Variants in TLN1 observed in about 807,000 individuals in gnomAD.
The protein encoded by TLN1 is talin-1.
Under a neutral mutation model 292.3 loss-of-function variants are expected in TLN1, and 56 were observed. The observed-to-expected ratio is 0.19, with a 90% CI of 0.15 to 0.24. TLN1 has a LOEUF of 0.24. Ranked by LOEUF, TLN1 falls within the 10% of genes least tolerant of loss-of-function variation. TLN1 has a pLI of 1.00. For missense variants in TLN1, 2,433 were observed against 3,248.2 expected, an observed-to-expected ratio of 0.75 and a Z score of 6.10; for synonymous variants, 1,119 against 1,253.7, an observed-to-expected ratio of 0.89 and a Z score of 2.27.
Position 35,712,085 on chromosome 9 carries a change from T to C in TLN1, c.3601A>G (p.Ser1201Gly). 6.2e-7 allele frequency: 1 copy of C among 1,614,052 alleles called. No individual in the cohort carries two copies. The highest frequency in any genetic ancestry group is 8.5e-7 in the Non-Finnish European group (1 of 1,179,986). ...AVTQALNRCVSCLPGQRDVDN... is the reference protein window; with the variant it reads ...AVTQALNRCVGCLPGQRDVDN... ...ACATCGCGCTGGCCAGGTAGGCAGCTGACACAGCGGTTCAGAGCCTGGGTC... is the reference window on the plus strand; with the variant it reads ...ACATCGCGCTGGCCAGGTAGGCAGCCGACACAGCGGTTCAGAGCCTGGGTC... Residue 1201 changes from serine (S) to glycine (G), a missense_variant, in exon 28 of 57, where the codon AGC becomes GGC. Around this residue, in one of 7 missense-constraint regions of TLN1, gnomAD observed 1,384 missense variants for 1,699.6 expected, o/e 0.81. Coordinates refer to ENST00000314888, the MANE Select transcript of TLN1 (RefSeq NM_006289.4).
Position 35,719,023 on chromosome 9 carries a change from C to T in TLN1, c.1896+51G>A. 2 of 1,598,532 alleles carry T rather than the reference C, an allele frequency of 1.3e-6. No homozygotes were observed. Among genetic ancestry groups the T allele is most frequent in the Non-Finnish European group, 8.6e-7 (1 of 1,169,532 alleles). On this transcript the variant is annotated intron_variant, in intron 16 of 56. Transcript: ENST00000314888. This position sits in a 1 kb window ranked among gnomAD's most constrained non-coding sequence, Gnocchi z 4.6. ...TCCTGTGGCTTGGACTGCCCCTTCTCCTTGGGCTTGAACCCTGTCTCCACC... is the reference window on the plus strand; with the variant it reads ...TCCTGTGGCTTGGACTGCCCCTTCTTCTTGGGCTTGAACCCTGTCTCCACC...
rs1315100473 is a variant in TLN1 at position 35,711,738 on chromosome 9, C to A, written c.3736G>T (p.Ala1246Ser). 1 of 1,614,168 alleles carries A rather than the reference C, an allele frequency of 6.2e-7. No individual in the cohort carries two copies. The highest frequency in any genetic ancestry group is 2.2e-5 in the East Asian group (1 of 44,884). Residue 1246 changes from alanine (A) to serine (S), a missense_variant, in exon 29 of 57, where the codon GCT becomes TCT. Coordinates refer to ENST00000314888, the MANE Select transcript of TLN1 (RefSeq NM_006289.4). ...GTGGCTGCCTGATTCAGCCCAGCAG[C>A]AGCTTCATTCAACCGGCTCTGAGCT... ...QEAQSRLNEA[A>S]AGLNQAATEL...
chr9:35,730,575 G>A (rs921492292), intron 1 of TLN1, among the ~76,000 whole-genome samples: 1 of 152,058 alleles, frequency 6.6e-6, no homozygotes, highest in Non-Finnish European at 1.5e-5. Context: ...TGGTAGGAGA[G>A]TAATTTAAAA....
Position 35,699,726 on chromosome 9 carries a change from G to A in TLN1, c.6768+248C>T. 1.0e-6 allele frequency: 1 copy of A among 978,650 alleles called. No homozygotes were observed. The highest frequency in any genetic ancestry group is 1.2e-6 in the Non-Finnish European group (1 of 823,814). The allele number at this position is 978,650 out of a possible 1,614,324, so 60.6% of individuals were successfully genotyped here. A position where few individuals can be genotyped will look rare whatever the true frequency, so the allele number is the denominator to read the frequency against. ...AGGAGACGACGAAAGTAGAGAAGGG[G>A]GTGGTCAGGTGGGAAGGGAGGAGAA... On this transcript the variant is annotated intron_variant, in intron 50 of 56. Transcript: ENST00000314888. This position sits in a 1 kb window ranked among gnomAD's most constrained non-coding sequence, Gnocchi z 4.0.
chr9:35,707,861 T>A lies in TLN1; in HGVS notation c.4502A>T (p.His1501Leu). 6.2e-7 allele frequency: 1 copy of A among 1,613,716 alleles called. No homozygotes were observed. Among genetic ancestry groups the A allele is most frequent in the Non-Finnish European group, 8.5e-7 (1 of 1,179,822 alleles). Residue 1501 changes from histidine to leucine, a missense_variant, in exon 35 of 57, where the codon CAC becomes CTC. Physicochemically the swap from His to Leu is moderately conservative, Grantham distance 99. This residue lies in a region of TLN1 where 1,384 missense variants were observed against 1,699.6 expected (regional missense o/e 0.81). Coordinates refer to ENST00000314888, the MANE Select transcript of TLN1 (RefSeq NM_006289.4). This position sits in a 1 kb window ranked among gnomAD's most constrained non-coding sequence, Gnocchi z 5.6. Reference protein sequence around the residue: ...VLSAATIVAKHTSALCNSCRL... With the variant: ...VLSAATIVAKLTSALCNSCRL... ...ACAGCTGTTACACAGTGCAGAGGTGTGTTTAGCCACAATGGTGGCTGCAGA... is the reference window on the plus strand; with the variant it reads ...ACAGCTGTTACACAGTGCAGAGGTGAGTTTAGCCACAATGGTGGCTGCAGA...
At position 35,718,799 on chromosome 9, in the gene TLN1, G is replaced by A. The variant is rs1587986913; in HGVS notation, c.1995+13C>T. ...AGATTCTGGGGTTCTGGGGGGTTGG[G>A]TAAGTCACCAACCTGGAAGTGGGGG... On this transcript the variant is annotated intron_variant, in intron 17 of 56. Transcript: ENST00000314888. 3.7e-6 allele frequency: 6 copies of A among 1,607,900 alleles called. No individual in the cohort carries two copies. Among genetic ancestry groups the A allele is most frequent in the Non-Finnish European group, 4.3e-6 (5 of 1,175,024 alleles).
Position 35,700,376 on chromosome 9 carries a change from C to T in TLN1, c.6475G>A (p.Val2159Ile). 1 of 1,593,844 alleles carries T rather than the reference C, an allele frequency of 6.3e-7. No individual in the cohort carries two copies. Among genetic ancestry groups the T allele is most frequent in the South Asian group, 1.1e-5 (1 of 90,612 alleles). ...TTEHIRQELA[V>I]FCSPEPPAKT... is the part of the protein sequence containing the mutation. The stretch of plus-strand genomic sequence containing the variant: ...GCAGGTGGCTCTGGGGAACAGAAAA[C>T]CTGTGGGGGCAGAAGAAGAAGAAAG... The change falls in exon 49 of 57, where the codon GTT becomes ATT. Residue 2159 changes from valine to isoleucine, a missense_variant and splice_region_variant. By Grantham distance (29) the Val-to-Ile change is conservative. Around this residue, in one of 7 missense-constraint regions of TLN1, gnomAD observed 1,384 missense variants for 1,699.6 expected, o/e 0.81. Transcript: ENST00000314888.
Position 35,699,100 on chromosome 9 carries a change from C to T in TLN1, c.6931G>A (p.Gly2311Arg), listed in dbSNP as rs752991296. The change falls in exon 52 of 57, where the codon GGA (glycine) becomes AGA (arginine). Residue 2311 changes from glycine (G) to arginine (R), a missense_variant. By Grantham distance (125) the Gly-to-Arg change is moderately radical. Around this residue, in one of 7 missense-constraint regions of TLN1, gnomAD observed 1,384 missense variants for 1,699.6 expected, o/e 0.81. Coordinates refer to ENST00000314888, the MANE Select transcript of TLN1 (RefSeq NM_006289.4). This position sits in a 1 kb window ranked among gnomAD's most constrained non-coding sequence, Gnocchi z 4.0. ...GCAGCCTCAATGGCGGCTGCAGCTC[C>T]CAGGAGCTCATTCTCAGCAATGACT... ...PTVIAENELL[G>R]AAAAIEAAAK... 1 of 1,614,006 alleles carries T rather than the reference C, an allele frequency of 6.2e-7. No homozygotes were observed. Among genetic ancestry groups the T allele is most frequent in the Non-Finnish European group, 8.5e-7 (1 of 1,179,938 alleles).
rs1563941850 is a variant in TLN1, at chr9:35,710,416, C to T, written c.4326+145G>A. On this transcript the variant is annotated intron_variant, in intron 33 of 56. Coordinates refer to ENST00000314888, the MANE Select transcript of TLN1 (RefSeq NM_006289.4). ...TTCAGTAATTGCTGACAAGTGTCTC[C>T]ACTTCAGGAGGAGGACAACCCAGAT... 6 of 1,155,752 alleles carry T rather than the reference C, an allele frequency of 5.2e-6. No individual in the cohort carries two copies. In the South Asian group the frequency reaches 7.7e-5, roughly 15 times the overall value. 71.6% of individuals were successfully genotyped at this position (1,155,752 alleles called of 1,614,324 possible). A position where few individuals can be genotyped will look rare whatever the true frequency, so the allele number is the denominator to read the frequency against.
Position 35,718,860 on chromosome 9 carries a change from C to T in TLN1, c.1947G>A (p.Gly649=), listed in dbSNP as rs1825831843. The T allele has an allele frequency of 5.0e-6, 8 of 1,613,734 alleles. No individual in the cohort carries two copies. The highest frequency in any genetic ancestry group is 5.9e-6 in the Non-Finnish European group (7 of 1,179,844). Residue 649 remains glycine, a synonymous_variant, in exon 17 of 57, where the codon GGG becomes GGA. Coordinates refer to ENST00000314888, the MANE Select transcript of TLN1 (RefSeq NM_006289.4). Reference sequence around the variant, plus strand: ...TTTCCCCAATTTGTTGCAACAGCTCCCCACTGGCCTGGCCCACGTTCCCAG... The same window carrying T: ...TTTCCCCAATTTGTTGCAACAGCTCTCCACTGGCCTGGCCCACGTTCCCAG... The part of the protein sequence containing the change: ...QAAGNVGQAS[G]ELLQQIGESD...
intron 33 of TLN1, among the ~76,000 whole-genome samples, chr9:35,708,794 G>A (rs1471019230): frequency 2.0e-5 from 3 of 152,236 alleles, no homozygotes; most frequent in African/African-American, 7.2e-5. Flanking sequence ...GGGTCTTAGA[G>A]TGAAAAGTAT....
chr9:35,727,797 C>T (rs1026283080), intron 1 of TLN1, among the ~76,000 whole-genome samples: 6 of 152,150 alleles, frequency 3.9e-5, no homozygotes, highest in Admixed American at 6.5e-5. Flanking sequence ...TTAGACACCC[C>T]CTTCCTCCTC....
chr9:35,715,226 C>A (rs1406442951), intron 20 of TLN1, 39 bp from the exon 21 acceptor site: 1 of 1,598,732 alleles, frequency 6.3e-7, no homozygotes, highest in African/African-American at 1.3e-5. Flanking sequence ...ACCCAGCTCT[C>A]CTGTGGATCC....
chr9:35,707,089 C>T lies in TLN1; in HGVS notation c.4938G>A (p.Lys1646=), dbSNP rs1825577635. 1 of 1,612,566 alleles carries T rather than the reference C, an allele frequency of 6.2e-7. No homozygotes were observed. The highest frequency in any genetic ancestry group is 1.7e-5 in the Admixed American group (1 of 59,546). Residue 1646 remains lysine, a synonymous_variant, in exon 37 of 57, where the codon AAG becomes AAA. Coordinates refer to ENST00000314888, the MANE Select transcript of TLN1 (RefSeq NM_006289.4). The surrounding 1 kb of genome is among the most constrained non-coding windows in gnomAD (Gnocchi z 5.6). ...CTCAATACCTCATGCTTGTAATTAG[C>T]TTCTTGATGGAGTCTGAGACAGTAC... The part of the protein sequence containing the change: ...HSRTVSDSIK[K]LITSMRDKAP...
chr9:35,703,208 A>C (rs1335081661), intron 48 of TLN1, among the ~76,000 whole-genome samples: 1 of 152,134 alleles, frequency 6.6e-6, no homozygotes, highest in African/African-American at 2.4e-5. Context: ...GAGGCATGAG[A>C]AGCACTTGAA....
In TLN1 at chr9:35,719,916, G is replaced by C; in HGVS notation, c.1465-63C>G. 7 of 1,573,350 alleles carry C rather than the reference G, an allele frequency of 4.4e-6. No homozygotes were observed. Among genetic ancestry groups the C allele is most frequent in the Non-Finnish European group, 6.1e-6 (7 of 1,156,020 alleles). ...TGTTTGGAGAAAAGAGAAGGTAAAA[G>C]AGAACCAGGGTCTAGGGAGAGAATA... On this transcript the variant is annotated intron_variant, in intron 13 of 56. Transcript: ENST00000314888. This position sits in a 1 kb window ranked among gnomAD's most constrained non-coding sequence, Gnocchi z 4.6.
At chr9:35,708,237 G>C (rs1825599731) in intron 34 of TLN1, 104 bp downstream of exon 34, 1 of 1,408,492 alleles carries the variant, frequency 7.1e-7, no homozygotes, top group Non-Finnish European at 9.5e-7. Context: ...CAAGGTCAGA[G>C]ATGGGTCCCT....
intron 20 of TLN1, among the ~76,000 whole-genome samples, chr9:35,715,437 T>TC (rs1272259462): frequency 2.0e-5 from 3 of 152,204 alleles, no homozygotes; most frequent in African/African-American, 7.2e-5. Flanking sequence ...TGTCTTCCCC[T>TC]CCTTGGGGAA....
Position 35,706,761 on chromosome 9 carries a change from C to A in TLN1, c.5088+7G>T. ...CACATCTTTCCATATAACCCTCTCC[C>A]TCTCACCTCTTGAGAGATTCCCTCA... On this transcript the variant is annotated splice_region_variant and intron_variant, in intron 38 of 56. Coordinates refer to ENST00000314888, the MANE Select transcript of TLN1 (RefSeq NM_006289.4). The surrounding 1 kb of genome is among the most constrained non-coding windows in gnomAD (Gnocchi z 4.2). 1.2e-6 allele frequency: 2 copies of A among 1,613,350 alleles called. No homozygotes were observed. Among genetic ancestry groups the A allele is most frequent in the Non-Finnish European group, 1.7e-6 (2 of 1,179,740 alleles).
Sources: allele counts gnomAD v4.1 joint callset (sites outside exome capture counted in the v4.1 genomes callset), GRCh38; gene constraint gnomAD v4.1.1; regional missense constraint gnomAD v4.1.1; non-coding constraint Gnocchi (gnomAD v3.1); transcripts MANE v1.5; gene names NCBI Gene and HGNC (gene_info 2026-07-23, HGNC 2026-07-21).